The following IRF6 variants were observed in gnomAD, a reference collection of about 807,000 sequenced individuals.
The protein encoded by IRF6 is Van der Woude syndrome.
A neutral mutation model predicts 51.4 loss-of-function variants in IRF6; 6 were observed. That is an observed-to-expected ratio of 0.12 (90% CI 0.06 to 0.23). The LOEUF (loss-of-function observed/expected upper bound fraction) is 0.23, where lower values mean the gene tolerates loss of function less well. Among genes scored for constraint, IRF6 ranks in the 10% least tolerant of loss-of-function variants. IRF6 has a pLI of 1.00. For missense variants in IRF6, 348 were observed against 585.2 expected (o/e 0.59, Z 4.18); for synonymous variants, 178 against 215.7 (o/e 0.83, Z 1.53).
rs1356279903 is a variant in IRF6, at chr1:209,801,124, C to T, written c.174+116G>A. 8.6e-6 allele frequency: 8 copies of T among 929,252 alleles called. No individual in the cohort carries two copies. In the African/African-American group the frequency reaches 1.2e-4, roughly 14 times the overall value. The allele number at this position is 929,252 out of a possible 1,614,324, so 57.6% of individuals were successfully genotyped here. On this transcript the variant is annotated intron_variant, in intron 3 of 8. Coordinates refer to ENST00000367021, the MANE Select transcript of IRF6 (RefSeq NM_006147.4). ...ACTATGCCTGCTGAGTTTGGGCACCCCCATCATAAGCATTCTCTCTGTTTC... is the reference window on the plus strand; with the variant it reads ...ACTATGCCTGCTGAGTTTGGGCACCTCCATCATAAGCATTCTCTCTGTTTC...
intron 5 of IRF6, among the ~76,000 whole-genome samples, chr1:209,794,662 C>A (rs1210408894): frequency 3.9e-5 from 6 of 152,204 alleles, no homozygotes; most frequent in African/African-American, 9.6e-5. Flanking sequence ...GCAGAAAGAG[C>A]AATTCAACGT....
At chr1:209,802,345 T>C (rs753562310) in intron 1 of IRF6, among the ~76,000 whole-genome samples, 8 of 152,182 alleles carry the variant, frequency 5.3e-5, no homozygotes, top group African/African-American at 1.7e-4. Context: ...AAGTCTGCAA[T>C]TGATTCTTGT....
At chr1:209,797,022 T>C (rs2077906782) in intron 3 of IRF6, among the ~76,000 whole-genome samples, 1 of 152,150 alleles carries the variant, frequency 6.6e-6, no homozygotes, top group African/African-American at 2.4e-5. Flanking sequence ...TGGCAGAGGA[T>C]ATGAAGAGTT....
intron 1 of IRF6, among the ~76,000 whole-genome samples, chr1:209,805,324 T>C (rs1437999477): frequency 6.6e-6 from 1 of 151,804 alleles, no homozygotes; most frequent in Non-Finnish European, 1.5e-5. Flanking sequence ...TTCCCCATTC[T>C]CCACACCACC....
chr1:209,792,249 A>T lies in IRF6; in HGVS notation c.667+20T>A, dbSNP rs766865897. The T allele has an allele frequency of 1.9e-6, 3 of 1,609,820 alleles. No individual in the cohort carries two copies. Among genetic ancestry groups the T allele is most frequent in the Non-Finnish European group, 2.6e-6 (3 of 1,176,032 alleles). On this transcript the variant is annotated intron_variant, in intron 6 of 8. Coordinates refer to ENST00000367021, the MANE Select transcript of IRF6 (RefSeq NM_006147.4). ...TAATAGAAGCAGAAGACCGAGCAAG[A>T]AAGATAAAGTCTCACTTACTTGGGA...
Position 209,790,946 on chromosome 1 carries a change from G to A in IRF6, c.668-59C>T. The A allele has an allele frequency of 6.2e-7, 1 of 1,609,938 alleles. No homozygotes were observed. Among genetic ancestry groups the A allele is most frequent in the South Asian group, 1.1e-5 (1 of 90,814 alleles). On this transcript the variant is annotated intron_variant, in intron 6 of 8. Coordinates refer to ENST00000367021, the MANE Select transcript of IRF6 (RefSeq NM_006147.4). The surrounding 1 kb of genome is among the most constrained non-coding windows in gnomAD (Gnocchi z 4.8). The stretch of plus-strand genomic sequence containing the variant: ...TTCACTGCTCTGCCTGTTCATCCCT[G>A]TGACTCATGCAAGTCCATTAAGATC...
intron 1 of IRF6, among the ~76,000 whole-genome samples, chr1:209,803,734 C>A (rs371361711): frequency 6.6e-6 from 1 of 152,152 alleles, no homozygotes; most frequent in South Asian, 2.1e-4. Flanking sequence ...AGAGATGGAA[C>A]AATTGAAAAC....
intron 1 of IRF6, among the ~76,000 whole-genome samples, chr1:209,804,184 C>T (rs2077960530): frequency 6.6e-6 from 1 of 152,114 alleles, no homozygotes; most frequent in Admixed American, 6.5e-5. Flanking sequence ...AACAACAATC[C>T]TTTGTATCTG....
chr1:209,793,156 CAA>C (rs927194191), intron 5 of IRF6: 2 of 152,148 alleles, frequency 1.3e-5, no homozygotes, highest in Admixed American at 1.3e-4. Context: ...TATTCTTCAA[CAA>C]TTCTTCATCC....
At chr1:209,795,831 T>TAA (rs146722282) in intron 4 of IRF6, among the ~76,000 whole-genome samples, 9 of 151,910 alleles carry the variant, frequency 5.9e-5, no homozygotes, top group Non-Finnish European at 8.8e-5. Context: ...ATTTGTCAAT[T>TAA]AAAAAATTTT....
intron 5 of IRF6, among the ~76,000 whole-genome samples, chr1:209,794,042 A>C (rs1213764552): frequency 6.6e-6 from 1 of 152,214 alleles, no homozygotes; most frequent in African/African-American, 2.4e-5. Flanking sequence ...ATATGGGTAC[A>C]TGTGTCCCTA....
rs994573422 is a variant in IRF6, at chr1:209,786,820, G to A, written c.*1600C>T. The A allele has an allele frequency of 6.6e-6, 1 of 152,056 alleles. No homozygotes were observed. Among genetic ancestry groups the A allele is most frequent in the Non-Finnish European group, 1.5e-5 (1 of 68,020 alleles). 9.4% of individuals were successfully genotyped at this position (152,056 alleles called of 1,614,324 possible). ...TTGAACTTTTAGTTTTTAAAATAAG[G>A]CTAGCTCAACTTTTGAGTCATTTTG... On this transcript the variant is annotated 3_prime_UTR_variant, in exon 9 of 9. Coordinates refer to ENST00000367021, the MANE Select transcript of IRF6 (RefSeq NM_006147.4).
chr1:209,788,600 A>G lies in IRF6; in HGVS notation c.1224T>C (p.Gly408=), dbSNP rs200714160. Residue 408 remains glycine, a synonymous_variant, in exon 9 of 9, where the codon GGT becomes GGC. Coordinates refer to ENST00000367021, the MANE Select transcript of IRF6 (RefSeq NM_006147.4). ...VARMIYEMFS[G]DFTRSFDSGS... Reference sequence around the variant, plus strand: ...CACTATCAAAGGATCGTGTGAAATCACCAGAAAACATCTCGTAGATCATCC... The same window carrying G: ...CACTATCAAAGGATCGTGTGAAATCGCCAGAAAACATCTCGTAGATCATCC... 29 of 1,614,146 alleles carry G rather than the reference A, an allele frequency of 1.8e-5. No individual in the cohort carries two copies. Among genetic ancestry groups the G allele is most frequent in the Non-Finnish European group, 2.2e-5 (26 of 1,180,024 alleles).
chr1:209,790,580 C>T lies in IRF6; in HGVS notation c.975G>A (p.Gly325=), dbSNP rs1027553885. The change falls in exon 7 of 9, where the codon GGG becomes GGA. Residue 325 remains glycine, a synonymous_variant. Transcript: ENST00000367021. The surrounding 1 kb of genome is among the most constrained non-coding windows in gnomAD (Gnocchi z 4.8). ...RLCQCKVYWS[G]PCAPSLVAPN... ...GAGCAACAAGTGATGGGGCACATGG[C>T]CCAGACCAGTACACCTTGCACTGGC... 6.2e-7 allele frequency: 1 copy of T among 1,614,234 alleles called. No homozygotes were observed. Among genetic ancestry groups the T allele is most frequent in the Non-Finnish European group, 8.5e-7 (1 of 1,180,046 alleles).
intron 3 of IRF6, among the ~76,000 whole-genome samples, chr1:209,797,526 G>A (rs1230800124): frequency 6.6e-6 from 1 of 152,028 alleles, no homozygotes; most frequent in South Asian, 2.1e-4. Context: ...TCAAACTTCT[G>A]CTTCATTAGA....
chr1:209,791,162 G>T, intron 6 of IRF6: 1 of 541,790 alleles, frequency 1.8e-6, no homozygotes, highest in Non-Finnish European at 2.4e-6. Flanking sequence ...AAGTAAAGTG[G>T]TCCTGGTGTC....
At chr1:209,795,646 G>A (rs911604329) in intron 4 of IRF6, among the ~76,000 whole-genome samples, 1 of 152,190 alleles carries the variant, frequency 6.6e-6, no homozygotes, top group Non-Finnish European at 1.5e-5. Context: ...CTGGCTGTTA[G>A]TACTTGTTAA....
rs2077862853 is a variant in IRF6, at chr1:209,790,522, G to A, written c.1033C>T (p.Leu345=). 1 of 1,614,088 alleles carries A rather than the reference G, an allele frequency of 6.2e-7. No individual in the cohort carries two copies. Among genetic ancestry groups the A allele is most frequent in the Non-Finnish European group, 8.5e-7 (1 of 1,180,016 alleles). ...NLIERQKKVK[L]FCLETFLSDL... ...CTAAGGAATGTTTCCAGACAAAATA[G>A]CTTGACCTTCTTTTGTCTCTCAATC... The change falls in exon 7 of 9, where the codon CTA becomes TTA. Residue 345 remains leucine, a synonymous_variant. Coordinates refer to ENST00000367021, the MANE Select transcript of IRF6 (RefSeq NM_006147.4). The surrounding 1 kb of genome is among the most constrained non-coding windows in gnomAD (Gnocchi z 4.8).
rs1165689004 is a variant in IRF6 at position 209,795,960 on chromosome 1, C to T, written c.379+388G>A. Among the ~76,000 whole-genome samples, 4 of 152,124 alleles carry T rather than the reference C, an allele frequency of 2.6e-5. No individual in the cohort carries two copies. The East Asian group carries it at 7.7e-4, about 29-fold the overall frequency. On this transcript the variant is annotated intron_variant, in intron 4 of 8. Coordinates refer to ENST00000367021, the MANE Select transcript of IRF6 (RefSeq NM_006147.4). ...TTAGAGTTGAAGAAACTGAGGCTTACAAGAGGTAAAATGACTTGATTCAAG... is the reference window on the plus strand; with the variant it reads ...TTAGAGTTGAAGAAACTGAGGCTTATAAGAGGTAAAATGACTTGATTCAAG...
Sources: allele counts gnomAD v4.1 joint callset (sites outside exome capture counted in the v4.1 genomes callset), GRCh38; gene constraint gnomAD v4.1.1; non-coding constraint Gnocchi (gnomAD v3.1); transcripts MANE v1.5; gene names NCBI Gene and HGNC (gene_info 2026-07-23, HGNC 2026-07-21).